The following RFPL4AL1 variants were observed in gnomAD, a reference collection of about 807,000 sequenced individuals.
RFPL4AL1 encodes the protein ret finger protein-like 4A-like protein 1.
RFPL4AL1 carries 2 observed loss-of-function variants against 8.2 expected under a neutral mutation model. That is an observed-to-expected ratio of 0.24 (90% CI 0.10 to 0.77). The LOEUF (loss-of-function observed/expected upper bound fraction) is 0.77. Ranked by LOEUF, RFPL4AL1 falls within the 30% of genes least tolerant of loss-of-function variation. The pLI, the probability that RFPL4AL1 is intolerant of heterozygous loss-of-function variation, is 0.72. For missense variants in RFPL4AL1, 57 were observed against 350.3 expected (o/e 0.16, Z 6.68); for synonymous variants, 25 against 131.8 (o/e 0.19, Z 5.55).
In RFPL4AL1 at chr19:55,771,894, C is replaced by A; in HGVS notation, c.90C>A (p.Cys30Ter). The A allele has an allele frequency of 6.5e-7, 1 of 1,545,336 alleles. No homozygotes were observed. Among genetic ancestry groups the A allele is most frequent in the Non-Finnish European group, 8.7e-7 (1 of 1,144,034 alleles). Reference sequence around the variant, plus strand: ...TGCAACTGAAATGTGGATATGCCTGCTGCCTCCAGTGCCTCAATTCACTCC... The same window carrying A: ...TGCAACTGAAATGTGGATATGCCTGATGCCTCCAGTGCCTCAATTCACTCC... ...EAVQLKCGYA[C>*]CLQCLNSLQK... The change falls in exon 2 of 3, where the codon TGC becomes TGA. Residue 30 changes from cysteine to a stop codon, truncating the protein, a stop_gained. Transcript: ENST00000341750. LOFTEE classifies it high-confidence loss of function.
In RFPL4AL1 at chr19:55,771,877, A is replaced by G. The variant is rs1173979831; in HGVS notation, c.73A>G (p.Lys25Glu). Residue 25 changes from lysine (K) to glutamate (E), a missense_variant, in exon 2 of 3, where the codon AAA becomes GAA. By Grantham distance (56) the Lys-to-Glu change is moderately conservative. Coordinates refer to ENST00000341750, the MANE Select transcript of RFPL4AL1 (RefSeq NM_001277397.2). Reference protein sequence around the residue: ...LKDLEEAVQLKCGYACCLQCL... With the variant: ...LKDLEEAVQLECGYACCLQCL... ...AGATCTTGAAGAAGCCGTGCAACTG[A>G]AATGTGGATATGCCTGCTGCCTCCA... 1 of 1,548,058 alleles carries G rather than the reference A, an allele frequency of 6.5e-7. No individual in the cohort carries two copies. Among genetic ancestry groups the G allele is most frequent in the East Asian group, 2.5e-5 (1 of 40,800 alleles).
rs745328618 is a variant in RFPL4AL1, at chr19:55,772,732, C to G, written c.417C>G (p.Cys139Trp). The G allele has an allele frequency of 1.9e-5, 30 of 1,538,634 alleles. No individual in the cohort carries two copies. The South Asian group carries it at 3.2e-4, about 17-fold the overall frequency. Reference protein sequence around the residue: ...EQAERFDTALCVLGTPRFTSG... With the variant: ...EQAERFDTALWVLGTPRFTSG... ...CTGAGAGGTTCGACACTGCCCTGTGCGTCCTGGGCACCCCTCGCTTCACTT... is the reference window on the plus strand; with the variant it reads ...CTGAGAGGTTCGACACTGCCCTGTGGGTCCTGGGCACCCCTCGCTTCACTT... Residue 139 changes from cysteine to tryptophan, a missense_variant, in exon 3 of 3, where the codon TGC becomes TGG. Coordinates refer to ENST00000341750, the MANE Select transcript of RFPL4AL1 (RefSeq NM_001277397.2).
At chr19:55,771,086 G>GGTTTTTTTTTTTTTTTT (rs1555799526) in intron 1 of RFPL4AL1, among the ~76,000 whole-genome samples, 1 of 130,380 alleles carries the variant, frequency 7.7e-6, no homozygotes, top group African/African-American at 3.1e-5. Flanking sequence ...TCTGTTTTTT[G>GGTTTTTTTTTTTTTTTT]TTTTTTTTTT....
chr19:55,769,301 G>A (rs1262976538), intron 1 of RFPL4AL1, 126 bp downstream of exon 1: 3 of 151,950 alleles, frequency 2.0e-5, no homozygotes, highest in Non-Finnish European at 4.4e-5. Context: ...TGTATTTCTG[G>A]AGGATATTGG....
At chr19:55,771,348 G>A (rs2059151) in intron 1 of RFPL4AL1, among the ~76,000 whole-genome samples, 2 of 152,108 alleles carry the variant, frequency 1.3e-5, no homozygotes, top group Non-Finnish European at 2.9e-5. Flanking sequence ...TTTTAACTCA[G>A]AATATAATCA....
rs758487590 is a variant in RFPL4AL1, at chr19:55,771,779, C to T, written c.-9-17C>T. 50 of 1,551,252 alleles carry T rather than the reference C, an allele frequency of 3.2e-5. No homozygotes were observed. Among genetic ancestry groups the T allele is most frequent in the South Asian group, 9.5e-5 (8 of 84,026 alleles). On this transcript the variant is annotated splice_polypyrimidine_tract_variant and intron_variant, in intron 1 of 2. Transcript: ENST00000341750. ...CTCGTGGAAATTCTAATTCCGTGTT[C>T]ATTTTTTTTTCTACAGACATTTGCC...
At chr19:55,770,977 CT>C (rs58993450) in intron 1 of RFPL4AL1, among the ~76,000 whole-genome samples, 2 of 150,348 alleles carry the variant, frequency 1.3e-5, no homozygotes, top group African/African-American at 4.9e-5. Flanking sequence ...ATTATTTTGG[CT>C]TTTTTTTCTT....
At chr19:55,769,262 G>C (rs1239635607) in intron 1 of RFPL4AL1, 87 bp downstream of exon 1, 1 of 151,942 alleles carries the variant, frequency 6.6e-6, no homozygotes, top group East Asian at 1.9e-4. Context: ...CACAAGTGTT[G>C]TCTGAGGCCA....
intron 2 of RFPL4AL1, 55 bp downstream of exon 2, chr19:55,772,145 T>C (rs1296514780): frequency 6.8e-7 from 1 of 1,470,282 alleles, no homozygotes; most frequent in Non-Finnish European, 9.2e-7. Context: ...GAAAACGACT[T>C]TCAAACATTT....
chr19:55,771,628 C>T (rs1456005269), intron 1 of RFPL4AL1, among the ~76,000 whole-genome samples, 168 bp from the exon 2 acceptor site: 1 of 137,358 alleles, frequency 7.3e-6, no homozygotes, highest in African/African-American at 2.5e-5. Flanking sequence ...TTCAGGGCCT[C>T]GAGTCATTGA....
chr19:55,770,498 C>G (rs538942409), intron 1 of RFPL4AL1, among the ~76,000 whole-genome samples: 1 of 151,862 alleles, frequency 6.6e-6, no homozygotes, highest in Non-Finnish European at 1.5e-5. Context: ...TTTGTCAGTC[C>G]TTCTAATTAG....
At chr19:55,769,440 G>A (rs567552225) in intron 1 of RFPL4AL1, among the ~76,000 whole-genome samples, 1 of 151,658 alleles carries the variant, frequency 6.6e-6, no homozygotes, top group Admixed American at 6.6e-5. Flanking sequence ...ACAGAGGTTC[G>A]GTGGCTGCGT....
chr19:55,772,449 G>A (rs1451393232), intron 2 of RFPL4AL1, among the ~76,000 whole-genome samples, 153 bp from the exon 3 acceptor site: 4 of 129,556 alleles, frequency 3.1e-5, no homozygotes, highest in Admixed American at 8.3e-5. Flanking sequence ...AACCTCATCA[G>A]GTGGCCAAAC....
intron 1 of RFPL4AL1, among the ~76,000 whole-genome samples, chr19:55,770,386 G>A (rs1181760708): frequency 2.0e-5 from 3 of 151,932 alleles, no homozygotes; most frequent in African/African-American, 4.8e-5. Context: ...TGAAGTGAAA[G>A]GCAAGAAGTT....
chr19:55,769,366 G>A (rs993162681), intron 1 of RFPL4AL1, among the ~76,000 whole-genome samples, 191 bp downstream of exon 1: 1 of 151,912 alleles, frequency 6.6e-6, no homozygotes, highest in African/African-American at 2.4e-5. Context: ...ACCAAGGCAA[G>A]AGACTTGACA....
At position 55,772,736 on chromosome 19, in the gene RFPL4AL1, C is replaced by CTG; in HGVS notation, c.422_423dup (p.Gly142TrpfsTer47). 1 of 1,540,832 alleles carries CTG rather than the reference C, an allele frequency of 6.5e-7. No individual in the cohort carries two copies. The highest frequency in any genetic ancestry group is 2.0e-5 in the Admixed American group (1 of 50,164). On this transcript the variant is annotated frameshift_variant, in exon 3 of 3. Coordinates refer to ENST00000341750, the MANE Select transcript of RFPL4AL1 (RefSeq NM_001277397.2). LOFTEE classifies it low-confidence loss of function (END_TRUNC). ...GAGGTTCGACACTGCCCTGTGCGTCCTGGGCACCCCTCGCTTCACTTCCGG... is the reference window on the plus strand; with the variant it reads ...GAGGTTCGACACTGCCCTGTGCGTCCTGTGGGCACCCCTCGCTTCACTTCCGG...
At chr19:55,770,611 G>A (rs1017582967) in intron 1 of RFPL4AL1, among the ~76,000 whole-genome samples, 73 of 152,000 alleles carry the variant, frequency 4.8e-4, no homozygotes, top group African/African-American at 1.7e-3. Flanking sequence ...GGGGTCAGCC[G>A]TGACACTGCA....
intron 1 of RFPL4AL1, among the ~76,000 whole-genome samples, chr19:55,771,086 G>GTTTTTTTTTTTTTTT (rs74183507): frequency 7.7e-6 from 1 of 130,378 alleles, no homozygotes; most frequent in African/African-American, 3.1e-5. Flanking sequence ...TCTGTTTTTT[G>GTTTTTTTTTTTTTTT]TTTTTTTTTT....
intron 1 of RFPL4AL1, among the ~76,000 whole-genome samples, chr19:55,771,085 T>TA (rs746246775): frequency 2.2e-5 from 2 of 92,738 alleles, no homozygotes; most frequent in African/African-American, 6.2e-5. Flanking sequence ...TTCTGTTTTT[T>TA]GTTTTTTTTT....
Sources: allele counts gnomAD v4.1 joint callset (sites outside exome capture counted in the v4.1 genomes callset), GRCh38; gene constraint gnomAD v4.1.1; transcripts MANE v1.5; gene names NCBI Gene and HGNC (gene_info 2026-07-23, HGNC 2026-07-21).